ZCCHC2: variants seen among roughly 807,000 people sequenced by gnomAD.
The protein encoded by ZCCHC2 is zinc finger CCHC domain-containing protein 2.
Under a neutral mutation model 103.6 loss-of-function variants are expected in ZCCHC2, and 39 were observed. That is an observed-to-expected ratio of 0.38 (90% CI 0.29 to 0.49). The LOEUF (loss-of-function observed/expected upper bound fraction) is 0.49. Among genes scored for constraint, ZCCHC2 ranks in the 20% least tolerant of loss-of-function variants. The pLI is 0.96. For missense variants in ZCCHC2, 1,483 were observed against 1,491.0 expected, an observed-to-expected ratio of 0.99 and a Z score of 0.09; for synonymous variants, 687 against 608.9, an observed-to-expected ratio of 1.13 and a Z score of -1.89.
Position 62,523,374 on chromosome 18 carries a change from C to CGGCGG in ZCCHC2, c.-48_-47insGGGGC. The CGGCGG allele has an allele frequency of 6.9e-6, 7 of 1,013,906 alleles. No homozygotes were observed. The highest frequency in any genetic ancestry group is 8.2e-6 in the Non-Finnish European group (7 of 850,260). 62.8% of individuals were successfully genotyped at this position (1,013,906 alleles called of 1,614,324 possible). A position where few individuals can be genotyped will look rare whatever the true frequency, so the allele number is the denominator to read the frequency against. On this transcript the variant is annotated 5_prime_UTR_variant, in exon 1 of 14. Coordinates refer to ENST00000269499, the MANE Select transcript of ZCCHC2 (RefSeq NM_017742.6). ...CCGCCTCGGCCCGTGCTCCACCTCGCGGCCCCTCCCGCCCGCCCCCGCTCG... is the reference window on the plus strand; with the variant it reads ...CCGCCTCGGCCCGTGCTCCACCTCGCGGCGGGGCCCCTCCCGCCCGCCCCCGCTCG...
intron 4 of ZCCHC2, among the ~76,000 whole-genome samples, chr18:62,547,342 A>T: frequency 6.7e-6 from 1 of 149,824 alleles, no homozygotes; most frequent in Middle Eastern, 3.4e-3. Flanking sequence ...AAAAAAAAAA[A>T]GTTCAGGAGC....
At chr18:62,550,294 C>A in intron 4 of ZCCHC2, 54 bp from the exon 5 acceptor site, 2 of 1,323,416 alleles carry the variant, frequency 1.5e-6, no homozygotes, top group Non-Finnish European at 2.1e-6. Context: ...CTTGTAACAT[C>A]TTTACCAGTA....
At chr18:62,580,025 C>G (rs570336946), downstream of ZCCHC2, among the ~76,000 whole-genome samples, 12 of 152,324 alleles carry the variant, frequency 7.9e-5, no homozygotes, top group Admixed American at 7.8e-4. Context: ...GCCACTGCGC[C>G]CGGCCTTCTG....
At chr18:62,544,253 C>T (rs1010077934) in intron 3 of ZCCHC2, among the ~76,000 whole-genome samples, 7 of 152,092 alleles carry the variant, frequency 4.6e-5, no homozygotes, top group Non-Finnish European at 1.0e-4. Flanking sequence ...TTAAGTTTCT[C>T]CATCTCAAAA....
chr18:62,552,011 GC>G (rs1915685473), intron 5 of ZCCHC2: 1 of 152,130 alleles, frequency 6.6e-6, no homozygotes, highest in Admixed American at 6.5e-5. Context: ...GATGGGTGGG[GC>G]TGAAAAGAAG....
rs1273698584 is a variant in ZCCHC2, at chr18:62,577,289, C to T, written c.*710C>T. On this transcript the variant is annotated 3_prime_UTR_variant, in exon 14 of 14. Coordinates refer to ENST00000269499, the MANE Select transcript of ZCCHC2 (RefSeq NM_017742.6). ...ACCATATGAAACTGAAAAAATATGA[C>T]GTACGAAATGGACAAAAAGCTTTTT... 3 of 152,400 alleles carry T rather than the reference C, an allele frequency of 2.0e-5. No homozygotes were observed. The highest frequency in any genetic ancestry group is 2.9e-5 in the Non-Finnish European group (2 of 68,034). The allele number at this position is 152,400 out of a possible 1,614,324, so 9.4% of individuals were successfully genotyped here. A position where few individuals can be genotyped will look rare whatever the true frequency, so the allele number is the denominator to read the frequency against.
Position 62,524,280 on chromosome 18 carries a change from A to C in ZCCHC2, c.856A>C (p.Arg286=), listed in dbSNP as rs758201819. The C allele has an allele frequency of 9.7e-6, 15 of 1,549,004 alleles. No individual in the cohort carries two copies. The highest frequency in any genetic ancestry group is 6.1e-6 in the Non-Finnish European group (7 of 1,146,460). Residue 286 remains arginine (R), a synonymous_variant, in exon 1 of 14, where the codon AGG becomes CGG. Transcript: ENST00000269499. ...GGTCACCCTGAGGGAACACTTGGAG[A>C]GGCTCCGCGCCGCGCTCCGCGGGGG... ...QRVTLREHLE[R]LRAALRGGPE...
chr18:62,550,204 ATGT>A (rs1258057496), intron 4 of ZCCHC2, 141 bp from the exon 5 acceptor site: 1 of 626,900 alleles, frequency 1.6e-6, no homozygotes, highest in Non-Finnish European at 2.8e-6. Context: ...ATGGGGTCAG[ATGT>A]TGTGAAGATT....
intron 7 of ZCCHC2, 54 bp downstream of exon 7, chr18:62,558,824 A>G (rs879043745): frequency 6.7e-6 from 8 of 1,189,134 alleles, no homozygotes; most frequent in South Asian, 4.5e-5. Flanking sequence ...GCACATGGAT[A>G]GAACATTTAA....
chr18:62,560,064 T>C (rs1916052035), intron 7 of ZCCHC2, among the ~76,000 whole-genome samples: 1 of 152,192 alleles, frequency 6.6e-6, no homozygotes, highest in African/African-American at 2.4e-5. Context: ...CATATATGGA[T>C]AGTTAAAACT....
At position 62,577,285 on chromosome 18, in the gene ZCCHC2, A is replaced by G. The variant is rs565253765; in HGVS notation, c.*706A>G. The G allele has an allele frequency of 1.3e-5, 2 of 152,650 alleles. No individual in the cohort carries two copies. The highest frequency in any genetic ancestry group is 6.5e-5 in the Admixed American group (1 of 15,314). The allele number at this position is 152,650 out of a possible 1,614,324, so 9.5% of individuals were successfully genotyped here. On this transcript the variant is annotated 3_prime_UTR_variant, in exon 14 of 14. Transcript: ENST00000269499. ...TCAAACCATATGAAACTGAAAAAAT[A>G]TGACGTACGAAATGGACAAAAAGCT...
chr18:62,579,508 G>A (rs116740419), downstream of ZCCHC2, among the ~76,000 whole-genome samples: 2,980 of 152,220 alleles, frequency 0.02, 102 homozygotes, highest in African/African-American at 0.068. Context: ...CTCTGGATCC[G>A]GTTGGGTGGG....
intron 11 of ZCCHC2, among the ~76,000 whole-genome samples, chr18:62,569,384 C>G (rs1916499286): frequency 6.6e-6 from 1 of 152,056 alleles, no homozygotes; most frequent in Non-Finnish European, 1.5e-5. Flanking sequence ...TCTGGAATCC[C>G]TTATTTGGGG....
Position 62,562,719 on chromosome 18 carries a change from T to C in ZCCHC2, c.1551-290T>C, listed in dbSNP as rs578139028. The stretch of plus-strand genomic sequence containing the variant: ...AGCAGTGCTCTCAAGATGCAGGTTG[T>C]ATAAGCCTCTCTGTCCCAGCTGTAA... On this transcript the variant is annotated intron_variant, in intron 8 of 13. Coordinates refer to ENST00000269499, the MANE Select transcript of ZCCHC2 (RefSeq NM_017742.6). Among the ~76,000 whole-genome samples the C allele has an allele frequency of 5.9e-5, 9 of 152,350 alleles. No homozygotes were observed. The South Asian group carries it at 1.9e-3, about 32-fold the overall frequency.
At chr18:62,552,317 G>T (rs1044828280) in intron 5 of ZCCHC2, 3 of 152,178 alleles carry the variant, frequency 2.0e-5, no homozygotes, top group African/African-American at 7.2e-5. Context: ...GACAACAGGT[G>T]TCTTTGATAT....
At chr18:62,554,512 T>TC (rs1348155365) in intron 5 of ZCCHC2, among the ~76,000 whole-genome samples, 1 of 152,248 alleles carries the variant, frequency 6.6e-6, no homozygotes, top group East Asian at 1.9e-4. Flanking sequence ...CATCTGTGGT[T>TC]ATTCATTAAT....
chr18:62,558,978 C>T lies in ZCCHC2; in HGVS notation c.1492+208C>T, dbSNP rs372743426. Among the ~76,000 whole-genome samples, 76 of 152,188 alleles carry T rather than the reference C, an allele frequency of 5.0e-4. 1 individual carries two copies. The highest frequency in any genetic ancestry group is 4.2e-3 in the South Asian group (20 of 4,816). ...AATGGTGTGTGGACAAAGAATAGAC[C>T]GTTCAATAAATGGTGTTGGCACAAT... On this transcript the variant is annotated intron_variant, in intron 7 of 13. Coordinates refer to ENST00000269499, the MANE Select transcript of ZCCHC2 (RefSeq NM_017742.6).
chr18:62,543,768 T>C (rs1915300047), intron 3 of ZCCHC2, among the ~76,000 whole-genome samples: 1 of 152,230 alleles, frequency 6.6e-6, no homozygotes, highest in Non-Finnish European at 1.5e-5. Context: ...CTGATGGAAA[T>C]TCTTATATAT....
At chr18:62,567,464 T>TA (rs1916414692) in intron 11 of ZCCHC2, among the ~76,000 whole-genome samples, 1 of 152,258 alleles carries the variant, frequency 6.6e-6, no homozygotes. Context: ...ATAATCCATT[T>TA]ATGTAGCTCA....
Sources: allele counts gnomAD v4.1 joint callset (sites outside exome capture counted in the v4.1 genomes callset), GRCh38; gene constraint gnomAD v4.1.1; transcripts MANE v1.5; gene names NCBI Gene and HGNC (gene_info 2026-07-23, HGNC 2026-07-21).